FAM149B1: variants seen among roughly 807,000 people sequenced by gnomAD.
FAM149B1 encodes the protein primary cilium assembly protein FAM149B1.
Under a neutral mutation model 75.3 loss-of-function variants are expected in FAM149B1, and 56 were observed. That is an observed-to-expected ratio of 0.74 (90% CI 0.60 to 0.93). The LOEUF is 0.93. Ranked by LOEUF, FAM149B1 falls within the 40% of genes least tolerant of loss-of-function variation. The pLI, the probability that FAM149B1 is intolerant of heterozygous loss-of-function variation, is 0.00. For missense variants in FAM149B1, 639 were observed against 708.4 expected (o/e 0.90, Z 1.11); for synonymous variants, 259 against 256.1 (o/e 1.01, Z -0.11).
At chr10:73,222,152 G>A (rs542527104) in intron 7 of FAM149B1, among the ~76,000 whole-genome samples, 63 of 152,170 alleles carry the variant, frequency 4.1e-4, no homozygotes, top group African/African-American at 1.5e-3. Flanking sequence ...CCTTACTAAG[G>A]GATGAATTTC....
intron 7 of FAM149B1, among the ~76,000 whole-genome samples, chr10:73,214,164 A>G (rs2043246881): frequency 6.6e-6 from 1 of 152,126 alleles, no homozygotes; most frequent in African/African-American, 2.4e-5. Context: ...TTGGATCTTA[A>G]TTTTGTATCC....
chr10:73,239,300 T>C lies in FAM149B1; in HGVS notation c.1603-12T>C. On this transcript the variant is annotated splice_polypyrimidine_tract_variant and intron_variant, in intron 12 of 13. Coordinates refer to ENST00000242505, the MANE Select transcript of FAM149B1 (RefSeq NM_173348.2). ...ATGCATCATAAGAAGTGTCTCCTCT[T>C]TTGTCTTGTAGCTGGATACACAGTA... 1 of 1,550,402 alleles carries C rather than the reference T, an allele frequency of 6.4e-7. No homozygotes were observed. Among genetic ancestry groups the C allele is most frequent in the Admixed American group, 2.0e-5 (1 of 50,978 alleles).
At chr10:73,231,306 C>CT (rs1471124708) in intron 9 of FAM149B1, 3 of 152,000 alleles carry the variant, frequency 2.0e-5, no homozygotes, top group South Asian at 2.1e-4. Flanking sequence ...TTGTATAGGT[C>CT]TTTTTTGTGG....
At chr10:73,210,221 T>C (rs1250642272) in intron 6 of FAM149B1, 30 bp from the exon 7 acceptor site, 1 of 1,490,852 alleles carries the variant, frequency 6.7e-7, no homozygotes, top group Admixed American at 2.0e-5. Context: ...TTCAGCATCA[T>C]GAAGTCTTTC....
Position 73,233,830 on chromosome 10 carries a change from A to G in FAM149B1, c.1352+667A>G, listed in dbSNP as rs1017184129. ...TATTCAGTGAAATTCACTCCAAAAT[A>G]ATAGTTAATTCCCCTTTAAGGTTCT... is the stretch of plus-strand genomic sequence containing the variant. On this transcript the variant is annotated intron_variant, in intron 10 of 13. Transcript: ENST00000242505. 7.2e-5 allele frequency among the ~76,000 whole-genome samples: 11 copies of G among 152,228 alleles called. 1 individual carries two copies. The East Asian group carries it at 1.7e-3, about 24-fold the overall frequency.
chr10:73,194,859 T>G (rs1280952783), intron 5 of FAM149B1, among the ~76,000 whole-genome samples: 1 of 151,382 alleles, frequency 6.6e-6, no homozygotes, highest in Non-Finnish European at 1.5e-5. Flanking sequence ...AATTTTTGTA[T>G]TTTTAGTAGA....
chr10:73,242,141 A>G lies in FAM149B1; in HGVS notation c.*1122A>G, dbSNP rs534244984. The G allele has an allele frequency of 6.6e-6, 1 of 152,324 alleles. No individual in the cohort carries two copies. The highest frequency in any genetic ancestry group is 2.4e-5 in the African/African-American group (1 of 41,580). The allele number at this position is 152,324 out of a possible 1,614,324, so 9.4% of individuals were successfully genotyped here. On this transcript the variant is annotated 3_prime_UTR_variant, in exon 14 of 14. Transcript: ENST00000242505. ...ACAGATGCTTCAAACAACCTGCATT[A>G]AATTATATTTTTAATAAAATTAAAA...
intron 12 of FAM149B1, among the ~76,000 whole-genome samples, chr10:73,236,099 A>G (rs967710582): frequency 4.6e-5 from 7 of 152,202 alleles, no homozygotes; most frequent in African/African-American, 1.7e-4. Flanking sequence ...CCAACTCATG[A>G]CCCTTGAACC....
intron 1 of FAM149B1, among the ~76,000 whole-genome samples, chr10:73,172,297 C>T (rs893058314): frequency 6.6e-6 from 1 of 152,178 alleles, no homozygotes; most frequent in East Asian, 1.9e-4. Flanking sequence ...GTGCAAGCTC[C>T]ACTGACTGGG....
At chr10:73,177,189 G>A (rs895717484) in intron 2 of FAM149B1, among the ~76,000 whole-genome samples, 3 of 151,580 alleles carry the variant, frequency 2.0e-5, no homozygotes, top group African/African-American at 4.9e-5. Flanking sequence ...GGGTGACAGA[G>A]CGAGACCCCA....
intron 7 of FAM149B1, 113 bp from the exon 8 acceptor site, chr10:73,227,947 T>A (rs2043592204): frequency 1.8e-6 from 2 of 1,123,588 alleles, no homozygotes; most frequent in Admixed American, 2.1e-5. Context: ...ACTGCAAAGA[T>A]AAGTGAAGCC....
chr10:73,230,472 G>A lies in FAM149B1; in HGVS notation c.1074G>A (p.Leu358=). Residue 358 remains leucine (L), a synonymous_variant, in exon 9 of 14, where the codon TTG becomes TTA. Transcript: ENST00000242505. ...ATCAGCCAAATGTGAATGATCTCTT[G>A]GTTCATGGAATGCCTCTACAGCCAA... The part of the protein sequence containing the change: ...SRHQPNVNDL[L]VHGMPLQPRN... 1 of 1,550,526 alleles carries A rather than the reference G, an allele frequency of 6.4e-7. No individual in the cohort carries two copies. The highest frequency in any genetic ancestry group is 8.7e-7 in the Non-Finnish European group (1 of 1,145,810).
intron 1 of FAM149B1, among the ~76,000 whole-genome samples, chr10:73,169,791 G>C (rs1421502168): frequency 6.6e-6 from 1 of 151,842 alleles, no homozygotes; most frequent in African/African-American, 2.4e-5. Context: ...CTGTAAAGTG[G>C]GTATGATTAT....
rs1311695619 is a variant in FAM149B1 at position 73,168,301 on chromosome 10, C to A, written c.-39C>A. 3.9e-6 allele frequency: 6 copies of A among 1,545,480 alleles called. No individual in the cohort carries two copies. Among genetic ancestry groups the A allele is most frequent in the Non-Finnish European group, 4.4e-6 (5 of 1,145,402 alleles). ...CCCCACCCTGGCGTGCCTGCCCCGGCCGCGGCTGAGGAGGAGGAGGAGGAG... is the reference window on the plus strand; with the variant it reads ...CCCCACCCTGGCGTGCCTGCCCCGGACGCGGCTGAGGAGGAGGAGGAGGAG... On this transcript the variant is annotated 5_prime_UTR_variant, in exon 1 of 14. Transcript: ENST00000242505.
chr10:73,227,444 T>C (rs2043577861), intron 7 of FAM149B1, among the ~76,000 whole-genome samples: 1 of 152,210 alleles, frequency 6.6e-6, no homozygotes, highest in Non-Finnish European at 1.5e-5. Context: ...TGCTTTTGTT[T>C]TACATTCTAC....
intron 7 of FAM149B1, among the ~76,000 whole-genome samples, 197 bp downstream of exon 7, chr10:73,210,635 C>CAA (rs2043166314): frequency 6.6e-6 from 1 of 151,924 alleles, no homozygotes; most frequent in African/African-American, 2.4e-5. Context: ...CCAGCCTGGG[C>CAA]AATGTAGTGA....
In FAM149B1 at chr10:73,168,272, A is replaced by G. The variant is rs985829686; in HGVS notation, c.-68A>G. ...GAGCCGGCGGGAGGGCCAGGCCCGG[A>G]GGCCCCCACCCTGGCGTGCCTGCCC... On this transcript the variant is annotated 5_prime_UTR_variant, in exon 1 of 14. Transcript: ENST00000242505. 7 of 1,518,404 alleles carry G rather than the reference A, an allele frequency of 4.6e-6. No individual in the cohort carries two copies. In the East Asian group the frequency reaches 1.5e-4, roughly 33 times the overall value. 94.1% of individuals were successfully genotyped at this position (1,518,404 alleles called of 1,614,324 possible).
chr10:73,226,099 ATTTTTTT>A, intron 7 of FAM149B1, among the ~76,000 whole-genome samples: 1 of 143,234 alleles, frequency 7.0e-6, no homozygotes, highest in African/African-American at 2.6e-5. Context: ...TACCACAATA[ATTTTTTT>A]TTTTTTTTTT....
intron 1 of FAM149B1, chr10:73,169,078 C>A (rs1290145734): frequency 1.3e-5 from 2 of 151,488 alleles, no homozygotes; most frequent in Non-Finnish European, 2.9e-5. Context: ...CTTTGGGAGG[C>A]TGAGGCGGGC....
Sources: gnomAD v4.1 joint callset for allele counts (sites outside exome capture counted in the v4.1 genomes callset) on GRCh38, gnomAD v4.1.1 for gene constraint, MANE v1.5 for transcripts, NCBI Gene and HGNC (gene_info 2026-07-23, HGNC 2026-07-21) for gene names.